DOC2B: variants seen among roughly 807,000 people sequenced by gnomAD.
DOC2B encodes the protein double C2-like domain-containing protein beta.
A neutral mutation model predicts 28.9 loss-of-function variants in DOC2B; 21 were observed. That is an observed-to-expected ratio of 0.73 (90% CI 0.52 to 1.05). The LOEUF (loss-of-function observed/expected upper bound fraction) is 1.05. DOC2B is among the 50% of genes least tolerant of loss of function. DOC2B has a pLI of 0.00. For missense variants in DOC2B, 384 were observed against 421.1 expected (o/e 0.91, Z 0.77); for synonymous variants, 194 against 178.1 (o/e 1.09, Z -0.71).
intron 6 of DOC2B, among the ~76,000 whole-genome samples, chr17:151,629 C>T (rs1337552258): frequency 6.6e-6 from 1 of 152,194 alleles, no homozygotes; most frequent in Admixed American, 6.5e-5. Context: ...ACTTACTATG[C>T]TCCTTGGCCA....
intron 6 of DOC2B, among the ~76,000 whole-genome samples, chr17:152,539 A>T (rs186702710): frequency 6.6e-6 from 1 of 152,222 alleles, no homozygotes; most frequent in African/African-American, 2.4e-5. Context: ...AGGCCGAGCT[A>T]GGAGGATCGT....
chr17:162,979 C>T (rs1398424773), intron 3 of DOC2B, among the ~76,000 whole-genome samples: 2 of 152,222 alleles, frequency 1.3e-5, no homozygotes, highest in African/African-American at 4.8e-5. Flanking sequence ...CTGCCACACC[C>T]GGCCCAGGCT....
At chr17:161,284 TG>T in intron 5 of DOC2B, 130 bp downstream of exon 5, 1 of 978,000 alleles carries the variant, frequency 1.0e-6, no homozygotes, top group Non-Finnish European at 1.5e-6. Context: ...TGACTCTCCA[TG>T]CTCACCTCCC....
chr17:178,748 T>C (rs964724178), intron 1 of DOC2B, among the ~76,000 whole-genome samples: 2 of 152,268 alleles, frequency 1.3e-5, no homozygotes, highest in Non-Finnish European at 2.9e-5. Flanking sequence ...CTTCACTCTC[T>C]GCCTTGGACA....
At chr17:149,538 T>C (rs937001898) in intron 6 of DOC2B, among the ~76,000 whole-genome samples, 9 of 152,002 alleles carry the variant, frequency 5.9e-5, no homozygotes, top group African/African-American at 2.2e-4. Context: ...TTTAGCAGAG[T>C]TGGTCTCTTG....
intron 2 of DOC2B, 132 bp downstream of exon 2, chr17:172,405 C>G: frequency 4.5e-6 from 3 of 662,294 alleles, no homozygotes; most frequent in Non-Finnish European, 7.4e-6. Flanking sequence ...TTCCTGGCCC[C>G]GCACCCCACA....
chr17:158,611 T>C lies in DOC2B; in HGVS notation c.766-2234A>G, dbSNP rs187292911. On this transcript the variant is annotated intron_variant, in intron 5 of 8. Transcript: ENST00000613549. ...CACCTCAGAATCCTTTTCAACACAGTGCTCAGGCAGCCATTCCTGGTGGAT... is the reference window on the plus strand; with the variant it reads ...CACCTCAGAATCCTTTTCAACACAGCGCTCAGGCAGCCATTCCTGGTGGAT... Among the ~76,000 whole-genome samples, 217 of 152,342 alleles carry C rather than the reference T, an allele frequency of 1.4e-3. 1 individual carries two copies. Among genetic ancestry groups the C allele is most frequent in the African/African-American group, 5.0e-3 (206 of 41,582 alleles).
At chr17:162,042 G>A (rs984620870) in intron 4 of DOC2B, 39 bp downstream of exon 4, 40 of 1,417,120 alleles carry the variant, frequency 2.8e-5, no homozygotes, top group African/African-American at 4.3e-5. Flanking sequence ...TGGGAGTAGG[G>A]GTTGGGGAGG....
intron 5 of DOC2B, 150 bp from the exon 6 acceptor site, chr17:156,527 C>T (rs577473228): frequency 1.2e-6 from 1 of 808,042 alleles, no homozygotes; most frequent in South Asian, 1.8e-5. Context: ...AACTCACAGC[C>T]CTTCTGTCAT....
intron 3 of DOC2B, 118 bp downstream of exon 3, chr17:164,012 G>T: frequency 1.3e-6 from 1 of 746,648 alleles, no homozygotes. Context: ...AGTGGCAGCT[G>T]TGGGCCTCCC....
chr17:169,941 C>T (rs565007191), intron 2 of DOC2B, among the ~76,000 whole-genome samples: 27 of 152,324 alleles, frequency 1.8e-4, no homozygotes, highest in Non-Finnish European at 2.9e-4. Context: ...CATGTGTGCA[C>T]GCACGGTACC....
intron 4 of DOC2B, 120 bp downstream of exon 4, chr17:161,961 T>G: frequency 1.4e-6 from 1 of 718,442 alleles, no homozygotes; most frequent in South Asian, 1.7e-5. Context: ...AAGCTGGAGT[T>G]GCTGGCATGA....
intron 2 of DOC2B, 22 bp downstream of exon 2, chr17:172,515 G>A (rs1003162872): frequency 6.5e-7 from 1 of 1,548,466 alleles, no homozygotes; most frequent in Admixed American, 2.0e-5. Context: ...AGGGAATTTG[G>A]GGGCAGGCTG....
At position 145,140 on chromosome 17, in the gene DOC2B, C is replaced by T. The variant is rs2040009808; in HGVS notation, c.*2301G>A. On this transcript the variant is annotated 3_prime_UTR_variant, in exon 9 of 9. Coordinates refer to ENST00000613549, the MANE Select transcript of DOC2B (RefSeq NM_003585.5). Reference sequence around the variant, plus strand: ...TGAGTTTTGGGGCCAGGTTAGACACCTCTGGGGAAGCCTGAAGTAGCACGG... The same window carrying T: ...TGAGTTTTGGGGCCAGGTTAGACACTTCTGGGGAAGCCTGAAGTAGCACGG... The T allele has an allele frequency of 6.6e-6, 1 of 152,186 alleles. No homozygotes were observed. Among genetic ancestry groups the T allele is most frequent in the Non-Finnish European group, 1.5e-5 (1 of 68,078 alleles). 9.4% of individuals were successfully genotyped at this position (152,186 alleles called of 1,614,324 possible).
At chr17:173,141 C>T (rs749234944) in intron 1 of DOC2B, among the ~76,000 whole-genome samples, 3 of 152,198 alleles carry the variant, frequency 2.0e-5, no homozygotes, top group South Asian at 2.1e-4. Context: ...CCGAGCAGGC[C>T]GTGAGGAGCC....
chr17:150,548 T>C (rs898172122), intron 6 of DOC2B, among the ~76,000 whole-genome samples: 10 of 152,224 alleles, frequency 6.6e-5, no homozygotes, highest in Non-Finnish European at 1.2e-4. Context: ...TAAAAACTCC[T>C]TGCTGGTTTG....
rs544616493 is a variant in DOC2B at position 163,458 on chromosome 17, T to C, written c.528+672A>G. ...CCACGTAAACTCAGACTCTGCCCCA[T>C]GAAATTAAAAATAAAACAGCACTGA... On this transcript the variant is annotated intron_variant, in intron 3 of 8. Transcript: ENST00000613549. The C allele has an allele frequency of 2.0e-5, 3 of 152,288 alleles. No homozygotes were observed. The South Asian group carries it at 6.2e-4, about 32-fold the overall frequency. 9.4% of individuals were successfully genotyped at this position (152,288 alleles called of 1,614,324 possible).
In DOC2B at chr17:146,312, ATGCT is replaced by A. The variant is rs1188573529; in HGVS notation, c.*1125_*1128del. ...AAGGGCAGAGTCAGGACGTGTAGGA[ATGCT>A]TGCTTTTTTTCCCAAGCACAAGGGA... On this transcript the variant is annotated 3_prime_UTR_variant, in exon 9 of 9. Transcript: ENST00000613549. 81 of 152,272 alleles carry A rather than the reference ATGCT, an allele frequency of 5.3e-4. No homozygotes were observed. The highest frequency in any genetic ancestry group is 3.4e-3 in the Middle Eastern group (1 of 296). The allele number at this position is 152,272 out of a possible 1,614,324, so 9.4% of individuals were successfully genotyped here. A position where few individuals can be genotyped will look rare whatever the true frequency, so the allele number is the denominator to read the frequency against.
intron 2 of DOC2B, among the ~76,000 whole-genome samples, chr17:170,943 C>G (rs2151352986): frequency 3.1e-4 from 3 of 9,824 alleles, no homozygotes; most frequent in Admixed American, 1.3e-3. Flanking sequence ...CTGCAGAGGG[C>G]AGCACCAGGG....
Sources: allele counts gnomAD v4.1 joint callset (sites outside exome capture counted in the v4.1 genomes callset), GRCh38; gene constraint gnomAD v4.1.1; transcripts MANE v1.5; gene names NCBI Gene and HGNC (gene_info 2026-07-23, HGNC 2026-07-21).